Variants in BICC1 observed in about 807,000 individuals in gnomAD.
BICC1 encodes protein bicaudal C homolog 1.
In BICC1, 43 loss-of-function variants were observed where a neutral mutation model predicts 111.0. The observed-to-expected ratio is 0.39, with a 90% CI of 0.30 to 0.50. The LOEUF is 0.50. BICC1 is among the 20% of genes least tolerant of loss of function. The pLI is 0.88. For missense variants in BICC1, 1,091 were observed against 1,203.2 expected (o/e 0.91, Z 1.38); for synonymous variants, 467 against 434.4 (o/e 1.07, Z -0.93).
intron 15 of BICC1, among the ~76,000 whole-genome samples, chr10:58,804,281 C>T (rs775425420): frequency 1.3e-5 from 2 of 152,024 alleles, no homozygotes; most frequent in African/African-American, 2.4e-5. Context: ...TTTCAGAGGC[C>T]GAGGCAGGTG....
intron 1 of BICC1, among the ~76,000 whole-genome samples, chr10:58,522,411 C>T (rs1842416221): frequency 6.6e-6 from 1 of 152,126 alleles, no homozygotes; most frequent in Non-Finnish European, 1.5e-5. Flanking sequence ...TCCCTCAAAA[C>T]CGCTCAACTA....
At chr10:58,828,468 AT>A (rs144764486) in intron 20 of BICC1, among the ~76,000 whole-genome samples, 3 of 152,324 alleles carry the variant, frequency 2.0e-5, no homozygotes, top group Non-Finnish European at 2.9e-5. Context: ...ATATCCTCCA[AT>A]ACAGTTTACA....
chr10:58,625,995 C>T lies in BICC1; in HGVS notation c.237+5094C>T, dbSNP rs1377698326. Among the ~76,000 whole-genome samples, 13 of 152,304 alleles carry T rather than the reference C, an allele frequency of 8.5e-5. No individual in the cohort carries two copies. The East Asian group carries it at 2.1e-3, about 25-fold the overall frequency. On this transcript the variant is annotated intron_variant, in intron 2 of 20. Coordinates refer to ENST00000373886, the MANE Select transcript of BICC1 (RefSeq NM_001080512.3). ...GCTCATGAATGTGCTTTTTCTAATA[C>T]TGAGTCTGTGCTTAAACACAAATCA...
At chr10:58,551,288 CA>C (rs1843289430) in intron 1 of BICC1, among the ~76,000 whole-genome samples, 3 of 152,124 alleles carry the variant, frequency 2.0e-5, no homozygotes, top group African/African-American at 7.2e-5. Context: ...GGTTATTATA[CA>C]AAGGTGAATT....
At chr10:58,535,769 A>G (rs1469944458) in intron 1 of BICC1, among the ~76,000 whole-genome samples, 2 of 151,784 alleles carry the variant, frequency 1.3e-5, no homozygotes, top group Non-Finnish European at 2.9e-5. Flanking sequence ...GCTCCATTAA[A>G]AGATACAGAT....
At chr10:58,759,517 T>C (rs2132675070) in intron 3 of BICC1, among the ~76,000 whole-genome samples, 2 of 152,286 alleles carry the variant, frequency 1.3e-5, no homozygotes, top group Admixed American at 1.3e-4. Context: ...AAACATTCTT[T>C]ACTAAGTTAC....
At chr10:58,733,486 T>C (rs1197304099) in intron 3 of BICC1, among the ~76,000 whole-genome samples, 2 of 152,228 alleles carry the variant, frequency 1.3e-5, no homozygotes, top group African/African-American at 4.8e-5. Flanking sequence ...ACAGGTACAA[T>C]GTCCCCAATA....
intron 1 of BICC1, among the ~76,000 whole-genome samples, chr10:58,518,220 G>T (rs1842293729): frequency 6.6e-6 from 1 of 152,146 alleles, no homozygotes; most frequent in African/African-American, 2.4e-5. Context: ...CTAAAGACTA[G>T]CAGCGAAATC....
At chr10:58,825,289 G>A (rs777604938) in intron 20 of BICC1, among the ~76,000 whole-genome samples, 12 of 152,188 alleles carry the variant, frequency 7.9e-5, no homozygotes, top group Non-Finnish European at 1.8e-4. Flanking sequence ...GAACTGCACA[G>A]GTTCACTTAT....
intron 18 of BICC1, among the ~76,000 whole-genome samples, chr10:58,814,710 C>T (rs1014780780): frequency 1.3e-5 from 2 of 150,268 alleles, no homozygotes; most frequent in African/African-American, 4.9e-5. Context: ...GTGGGAGGAT[C>T]GCTTGAGCCC....
At chr10:58,802,219 G>A (rs1843568760) in intron 14 of BICC1, among the ~76,000 whole-genome samples, 1 of 152,280 alleles carries the variant, frequency 6.6e-6, no homozygotes, top group South Asian at 2.1e-4. Flanking sequence ...ACTTGCAGAT[G>A]CTCTTAAGTT....
chr10:58,763,525 G>T (rs1842376984), intron 3 of BICC1, among the ~76,000 whole-genome samples: 1 of 152,172 alleles, frequency 6.6e-6, no homozygotes, highest in Non-Finnish European at 1.5e-5. Flanking sequence ...CTAATGGATT[G>T]TGCCTCACTG....
intron 3 of BICC1, among the ~76,000 whole-genome samples, chr10:58,764,325 C>T (rs1842398661): frequency 6.6e-6 from 1 of 152,040 alleles, no homozygotes; most frequent in Non-Finnish European, 1.5e-5. Context: ...TAGACTGAGC[C>T]ATAGAAGTGG....
At chr10:58,577,267 A>T (rs1844140782) in intron 1 of BICC1, among the ~76,000 whole-genome samples, 1 of 152,212 alleles carries the variant, frequency 6.6e-6, no homozygotes, top group African/African-American at 2.4e-5. Context: ...AATGAGGCTC[A>T]CAGGGGTAAA....
At chr10:58,682,842 T>A (rs996227318) in intron 2 of BICC1, among the ~76,000 whole-genome samples, 1 of 152,226 alleles carries the variant, frequency 6.6e-6, no homozygotes, top group Non-Finnish European at 1.5e-5. Flanking sequence ...GCCTGTTCAC[T>A]CTGATGGTAG....
At chr10:58,596,347 CA>C (rs1844812129) in intron 1 of BICC1, among the ~76,000 whole-genome samples, 1 of 152,106 alleles carries the variant, frequency 6.6e-6, no homozygotes, top group South Asian at 2.1e-4. Flanking sequence ...AAAAGGCCTT[CA>C]ACAAATTCAG....
rs910806884 is a variant in BICC1, at chr10:58,831,153, G to A, written c.*2262G>A. On this transcript the variant is annotated 3_prime_UTR_variant, in exon 21 of 21. Transcript: ENST00000373886. Reference sequence around the variant, plus strand: ...TCTCACTTTCTCTTGATGCAATGAAGGGAATATGACACTACAGTATACAGA... The same window carrying A: ...TCTCACTTTCTCTTGATGCAATGAAAGGAATATGACACTACAGTATACAGA... 6.6e-6 allele frequency: 1 copy of A among 152,198 alleles called. No homozygotes were observed. Among genetic ancestry groups the A allele is most frequent in the Non-Finnish European group, 1.5e-5 (1 of 68,026 alleles). 9.4% of individuals were successfully genotyped at this position (152,198 alleles called of 1,614,324 possible). A position where few individuals can be genotyped will look rare whatever the true frequency, so the allele number is the denominator to read the frequency against.
At chr10:58,626,910 G>A (rs1837648099) in intron 2 of BICC1, among the ~76,000 whole-genome samples, 1 of 152,134 alleles carries the variant, frequency 6.6e-6, no homozygotes, top group African/African-American at 2.4e-5. Flanking sequence ...TTCGAGACCA[G>A]CCTGACCAAC....
intron 2 of BICC1, among the ~76,000 whole-genome samples, chr10:58,668,843 T>C (rs1248301145): frequency 6.6e-6 from 1 of 152,066 alleles, no homozygotes; most frequent in Non-Finnish European, 1.5e-5. Context: ...ACTTAGCTTT[T>C]TCTCCCTACC....
Sources: gnomAD v4.1 joint callset for allele counts (sites outside exome capture counted in the v4.1 genomes callset) on GRCh38, gnomAD v4.1.1 for gene constraint, MANE v1.5 for transcripts, NCBI Gene and HGNC (gene_info 2026-07-23, HGNC 2026-07-21) for gene names.